Variants in TYW1B observed in about 807,000 individuals in gnomAD.
TYW1B encodes S-adenosyl-L-methionine-dependent tRNA 4-demethylwyosine synthase TYW1B.
TYW1B carries 73 observed loss-of-function variants against 86.9 expected under a neutral mutation model. That is an observed-to-expected ratio of 0.84 (90% CI 0.70 to 1.02). The LOEUF is 1.02. Ranked by LOEUF, TYW1B falls within the 50% of genes least tolerant of loss-of-function variation. TYW1B has a pLI of 0.00. For synonymous variants in TYW1B, 248 were observed against 292.8 expected (o/e 0.85, Z 1.56); for missense variants, 637 against 827.4 (o/e 0.77, Z 2.82).
At chr7:72,738,162 C>G (rs1554461371) in intron 8 of TYW1B, among the ~76,000 whole-genome samples, 3 of 145,752 alleles carry the variant, frequency 2.1e-5, no homozygotes, top group East Asian at 2.1e-4. Flanking sequence ...CTCACTGCAA[C>G]CTCCACCTCC....
intron 13 of TYW1B, among the ~76,000 whole-genome samples, chr7:72,591,850 C>T (rs577072150): frequency 7.2e-5 from 11 of 151,900 alleles, no homozygotes; most frequent in South Asian, 4.2e-4. Flanking sequence ...GATGGAGTCT[C>T]GCTCTGTTGC....
At chr7:72,592,286 T>G (rs35580742) in intron 13 of TYW1B, among the ~76,000 whole-genome samples, 2 of 151,618 alleles carry the variant, frequency 1.3e-5, no homozygotes, top group Non-Finnish European at 2.9e-5. Context: ...TGTAAAGGAA[T>G]ATAGTTTTGT....
intron 10 of TYW1B, among the ~76,000 whole-genome samples, chr7:72,707,350 G>A (rs1218617350): frequency 6.6e-6 from 1 of 152,212 alleles, no homozygotes; most frequent in Non-Finnish European, 1.5e-5. Context: ...CCCCAGCCCA[G>A]CCCATCATCA....
At chr7:72,631,819 C>G (rs1812499858) in intron 11 of TYW1B, among the ~76,000 whole-genome samples, 1 of 151,994 alleles carries the variant, frequency 6.6e-6, no homozygotes, top group Admixed American at 6.6e-5. Flanking sequence ...GAATGAATCC[C>G]AACCCATGTA....
intron 10 of TYW1B, among the ~76,000 whole-genome samples, chr7:72,707,068 T>C (rs1215432196): frequency 6.6e-6 from 1 of 152,236 alleles, no homozygotes; most frequent in Non-Finnish European, 1.5e-5. Context: ...GTGCTGTATG[T>C]AGACTGCAAA....
chr7:72,593,210 T>G (rs1488228045), intron 13 of TYW1B, among the ~76,000 whole-genome samples: 12 of 151,678 alleles, frequency 7.9e-5, no homozygotes, highest in Non-Finnish European at 1.5e-4. Context: ...GAGAAATTGC[T>G]TGAACCTGGG....
At chr7:72,691,120 C>T (rs183883656) in intron 11 of TYW1B, among the ~76,000 whole-genome samples, 1 of 152,252 alleles carries the variant, frequency 6.6e-6, no homozygotes, top group East Asian at 1.9e-4. Context: ...GTTTTAAGTG[C>T]TAAACAACAG....
intron 4 of TYW1B, among the ~76,000 whole-genome samples, chr7:72,808,114 A>G (rs1445503622): frequency 5.3e-5 from 8 of 151,808 alleles, no homozygotes; most frequent in Non-Finnish European, 1.2e-4. Flanking sequence ...AAAAAAAAAA[A>G]TTTACATATC....
intron 7 of TYW1B, among the ~76,000 whole-genome samples, chr7:72,761,617 T>A (rs1787686826): frequency 1.3e-5 from 2 of 151,758 alleles, no homozygotes; most frequent in Admixed American, 1.3e-4. Flanking sequence ...AAGTTTTTTT[T>A]AATTTAAAAA....
chr7:72,602,312 G>GAGCC (rs1381848605), intron 13 of TYW1B, among the ~76,000 whole-genome samples: 3 of 152,144 alleles, frequency 2.0e-5, no homozygotes, highest in African/African-American at 7.2e-5. Context: ...CTGAGGGTGG[G>GAGCC]AGCCAGGTCT....
rs557139689 is a variant in TYW1B at position 72,631,159 on chromosome 7, T to TA, written c.1507-2163dup. 1.3e-3 allele frequency among the ~76,000 whole-genome samples: 188 copies of TA among 143,444 alleles called. 2 individuals carry two copies. Among genetic ancestry groups the TA allele is most frequent in the South Asian group, 0.011 (49 of 4,522 alleles). 94.1% of individuals were successfully genotyped at this position (143,444 alleles called of 152,430 possible). On this transcript the variant is annotated intron_variant, in intron 11 of 13. Coordinates refer to ENST00000620995, the MANE Select transcript of TYW1B (RefSeq NM_001145440.3). ...AGTTAATTAAACACATCCTTAACAT[T>TA]AAAAAAAAAAAAATCCACAACATTC... is the stretch of plus-strand genomic sequence containing the variant.
At chr7:72,788,441 T>C (rs1788165242) in intron 6 of TYW1B, among the ~76,000 whole-genome samples, 1 of 152,238 alleles carries the variant, frequency 6.6e-6, no homozygotes. Context: ...TTTTAGATTT[T>C]CAAATACTTG....
At chr7:72,607,629 A>C (rs1203276483) in intron 13 of TYW1B, among the ~76,000 whole-genome samples, 6 of 152,090 alleles carry the variant, frequency 3.9e-5, no homozygotes, top group Admixed American at 3.9e-4. Flanking sequence ...GACAGAATGA[A>C]TCAATCTAAA....
intron 13 of TYW1B, among the ~76,000 whole-genome samples, chr7:72,600,635 G>A (rs1811642829): frequency 6.6e-6 from 1 of 152,072 alleles, no homozygotes; most frequent in African/African-American, 2.4e-5. Context: ...AATATATAAA[G>A]AACTCTTAAA....
intron 9 of TYW1B, among the ~76,000 whole-genome samples, chr7:72,714,398 C>T (rs1786736174): frequency 6.6e-6 from 1 of 151,828 alleles, no homozygotes; most frequent in African/African-American, 2.4e-5. Flanking sequence ...AGGAGGATTG[C>T]TTCAGCCAAG....
At chr7:72,627,173 G>A (rs1812366330) in intron 12 of TYW1B, among the ~76,000 whole-genome samples, 1 of 151,994 alleles carries the variant, frequency 6.6e-6, no homozygotes, top group Admixed American at 6.6e-5. Context: ...CAGGCCCGGC[G>A]CGGTAGTTCT....
intron 10 of TYW1B, among the ~76,000 whole-genome samples, chr7:72,705,100 T>C (rs1317791000): frequency 6.6e-6 from 1 of 152,204 alleles, no homozygotes; most frequent in African/African-American, 2.4e-5. Context: ...AGTATTTACC[T>C]CTATTGAAAG....
intron 5 of TYW1B, among the ~76,000 whole-genome samples, chr7:72,803,426 T>C (rs1278686483): frequency 6.6e-6 from 1 of 152,132 alleles, no homozygotes; most frequent in African/African-American, 2.4e-5. Context: ...ATCTACTACG[T>C]ACCCCAACAC....
intron 8 of TYW1B, among the ~76,000 whole-genome samples, chr7:72,737,088 C>T (rs1202056632): frequency 4.6e-5 from 7 of 152,178 alleles, no homozygotes; most frequent in Non-Finnish European, 7.3e-5. Flanking sequence ...TTAAGCCTTA[C>T]AGCAACCCTG....
Sources: allele counts gnomAD v4.1 joint callset (sites outside exome capture counted in the v4.1 genomes callset), GRCh38; gene constraint gnomAD v4.1.1; transcripts MANE v1.5; gene names NCBI Gene and HGNC (gene_info 2026-07-23, HGNC 2026-07-21).